QTMAN: variants seen among roughly 807,000 people sequenced by gnomAD.
QTMAN encodes tRNA-queuosine alpha-mannosyltransferase.
At chr2:144,252,169 C>T in the QTMAN span, among the ~76,000 whole-genome samples, 2 of 152,042 alleles carry the variant, frequency 1.3e-5, no homozygotes, top group African/African-American at 4.8e-5. Context: ...AAGTCTAAGA[C>T]AAGCCTGGGC....
the QTMAN span, among the ~76,000 whole-genome samples, chr2:144,054,900 T>C: frequency 6.6e-6 from 1 of 152,324 alleles, no homozygotes; most frequent in Admixed American, 6.5e-5. Context: ...TATCCACTGA[T>C]CAAACAGGTT....
chr2:144,166,410 C>G, the QTMAN span, among the ~76,000 whole-genome samples: 1 of 152,220 alleles, frequency 6.6e-6, no homozygotes, highest in African/African-American at 2.4e-5. Flanking sequence ...TACTAGTATA[C>G]ATAAACACTT....
the QTMAN span, among the ~76,000 whole-genome samples, chr2:144,307,159 T>TAAAAAAAA: frequency 2.5e-5 from 1 of 40,466 alleles, no homozygotes; most frequent in African/African-American, 1.3e-4. Context: ...GACTCCGTCT[T>TAAAAAAAA]AAAAAAAAAA....
chr2:144,133,796 C>T, the QTMAN span, among the ~76,000 whole-genome samples: 1 of 151,064 alleles, frequency 6.6e-6, no homozygotes, highest in Non-Finnish European at 1.5e-5. Flanking sequence ...TCAAAAGAAA[C>T]ACGTTTTTGC....
chr2:144,245,588 A>G, the QTMAN span, among the ~76,000 whole-genome samples: 93 of 152,218 alleles, frequency 6.1e-4, no homozygotes, highest in Non-Finnish European at 2.8e-4. Flanking sequence ...TTCATCTACA[A>G]TTCTCTATTT....
the QTMAN span, among the ~76,000 whole-genome samples, chr2:143,976,350 G>A: frequency 3.3e-5 from 5 of 152,198 alleles, no homozygotes; most frequent in African/African-American, 1.2e-4. Flanking sequence ...GAAGCAATAA[G>A]GAATTATGGT....
the QTMAN span, among the ~76,000 whole-genome samples, chr2:143,965,062 T>TC: frequency 6.8e-6 from 1 of 147,228 alleles, no homozygotes; most frequent in Non-Finnish European, 1.5e-5. Context: ...TTCTTCTTCT[T>TC]TTTTTTTTTT....
At chr2:144,194,787 A>G in the QTMAN span, among the ~76,000 whole-genome samples, 1 of 152,236 alleles carries the variant, frequency 6.6e-6, no homozygotes, top group African/African-American at 2.4e-5. Context: ...CTGAATATCC[A>G]AAATTGCAAA....
the QTMAN span, among the ~76,000 whole-genome samples, chr2:144,237,822 T>A: frequency 2.4e-3 from 363 of 152,256 alleles, no homozygotes; most frequent in Non-Finnish European, 4.0e-3. Context: ...CTAAAAGATA[T>A]TACAGCTTCT....
At chr2:144,225,758 G>C in the QTMAN span, among the ~76,000 whole-genome samples, 1,312 of 152,290 alleles carry the variant, frequency 8.6e-3, 18 homozygotes, top group African/African-American at 0.03. Context: ...TATTCAGCTA[G>C]TCGGAAGTAA....
At chr2:143,998,352 C>CTCTGTTTCTGAATTTTCCCTTA in the QTMAN span, among the ~76,000 whole-genome samples, 1 of 151,916 alleles carries the variant, frequency 6.6e-6, no homozygotes, top group African/African-American at 2.4e-5. Flanking sequence ...ATTTTCCCTT[C>CTCTGTTTCTGAATTTTCCCTTA]TTTTGTTTAA....
the QTMAN span, among the ~76,000 whole-genome samples, chr2:144,109,893 T>A: frequency 6.6e-6 from 1 of 152,166 alleles, no homozygotes; most frequent in African/African-American, 2.4e-5. Flanking sequence ...AGGAAACAAC[T>A]GGTGCTGGAG....
At chr2:144,110,680 C>CT in the QTMAN span, among the ~76,000 whole-genome samples, 170 of 67,956 alleles carry the variant, frequency 2.5e-3, 5 homozygotes, top group African/African-American at 5.7e-3. Flanking sequence ...GAAAAATCGA[C>CT]CCCCCCCCAA....
the QTMAN span, among the ~76,000 whole-genome samples, chr2:144,062,644 T>C: frequency 6.6e-6 from 1 of 152,208 alleles, no homozygotes; most frequent in African/African-American, 2.4e-5. Flanking sequence ...GAAACCGAAA[T>C]ATAAACTACT....
the QTMAN span, among the ~76,000 whole-genome samples, chr2:144,225,462 A>G: frequency 1.3e-5 from 2 of 152,218 alleles, no homozygotes; most frequent in African/African-American, 4.8e-5. Context: ...AGAAATAAAG[A>G]AAATTATTTA....
chr2:143,946,163 A>G, the QTMAN span: 1 of 152,342 alleles, frequency 6.6e-6, no homozygotes, highest in African/African-American at 2.4e-5. Context: ...ATGCAAGTAT[A>G]TTGGAGAAAT....
chr2:144,242,579 G>C, the QTMAN span, among the ~76,000 whole-genome samples: 3 of 152,130 alleles, frequency 2.0e-5, no homozygotes, highest in Non-Finnish European at 2.9e-5. Flanking sequence ...AATTCCAAAG[G>C]CCACTATAGA....
the QTMAN span, among the ~76,000 whole-genome samples, chr2:144,138,782 T>A: frequency 6.6e-6 from 1 of 152,030 alleles, no homozygotes; most frequent in Non-Finnish European, 1.5e-5. Context: ...AGATTTGGTA[T>A]TGGAGTGTTC....
the QTMAN span, among the ~76,000 whole-genome samples, chr2:144,072,264 A>G: frequency 6.6e-6 from 1 of 152,180 alleles, no homozygotes; most frequent in Admixed American, 6.5e-5. Context: ...TGTATTTCAC[A>G]TTTTCCCTAT....
Sources: gnomAD v4.1 joint callset for allele counts (sites outside exome capture counted in the v4.1 genomes callset) on GRCh38, gnomAD v4.1.1 for gene constraint, MANE v1.5 for transcripts, NCBI Gene and HGNC (gene_info 2026-07-23, HGNC 2026-07-21) for gene names.